Variants in DSCAM observed in about 807,000 individuals in gnomAD.
DSCAM encodes the protein cell adhesion molecule DSCAM.
Under a neutral mutation model 217.7 loss-of-function variants are expected in DSCAM, and 47 were observed. That is an observed-to-expected ratio of 0.22 (90% CI 0.17 to 0.28). The LOEUF (loss-of-function observed/expected upper bound fraction) is 0.28. Among genes scored for constraint, DSCAM ranks in the 10% least tolerant of loss-of-function variants. The pLI is 1.00. For synonymous variants in DSCAM, 1,056 were observed against 1,015.3 expected, an observed-to-expected ratio of 1.04 and a Z score of -0.76; for missense variants, 2,080 against 2,618.3, an observed-to-expected ratio of 0.79 and a Z score of 4.49.
intron 3 of DSCAM, among the ~76,000 whole-genome samples, chr21:40,622,261 T>G (rs140866701): frequency 4.3e-3 from 595 of 138,956 alleles, no homozygotes; most frequent in Non-Finnish European, 7.0e-3. Context: ...AGGATTTGAG[T>G]GTCCGCCCCA....
intron 18 of DSCAM, among the ~76,000 whole-genome samples, chr21:40,139,068 G>A (rs1463775489): frequency 6.8e-6 from 1 of 147,028 alleles, no homozygotes. Flanking sequence ...TGTATGTGTG[G>A]TGTGTGTATG....
chr21:40,478,982 G>A (rs2075960016), intron 3 of DSCAM, among the ~76,000 whole-genome samples: 1 of 152,108 alleles, frequency 6.6e-6, no homozygotes, highest in South Asian at 2.1e-4. Context: ...TTACTGTACT[G>A]CACTCATGTA....
At chr21:40,424,652 G>C (rs1375288461) in intron 3 of DSCAM, among the ~76,000 whole-genome samples, 1 of 152,124 alleles carries the variant, frequency 6.6e-6, no homozygotes, top group African/African-American at 2.4e-5. Flanking sequence ...ATTTACTTCA[G>C]ATTAAAGATA....
intron 3 of DSCAM, among the ~76,000 whole-genome samples, chr21:40,527,303 A>T (rs1188416706): frequency 6.6e-6 from 1 of 152,194 alleles, no homozygotes; most frequent in Non-Finnish European, 1.5e-5. Context: ...ATCAAGTCCC[A>T]TAGTCTTCTT....
chr21:40,643,469 C>G (rs1216310003), intron 3 of DSCAM, among the ~76,000 whole-genome samples: 1 of 152,202 alleles, frequency 6.6e-6, no homozygotes, highest in African/African-American at 2.4e-5. Flanking sequence ...CTGAGAAGCT[C>G]TCAGGGGAGA....
intron 1 of DSCAM, among the ~76,000 whole-genome samples, chr21:40,834,275 C>T (rs1175650397): frequency 2.6e-5 from 4 of 151,478 alleles, no homozygotes; most frequent in Non-Finnish European, 5.9e-5. Context: ...GGCATGGTGG[C>T]GGGTGCCTGT....
Position 40,702,587 on chromosome 21 carries a change from C to G in DSCAM, c.361+5867G>C, listed in dbSNP as rs186400886. On this transcript the variant is annotated intron_variant, in intron 2 of 32. Transcript: ENST00000400454. ...TTAAATCCAATCTGGCAATTTCTGC[C>G]TTATAATTCAGGTTACTGGAACATT... 8.6e-5 allele frequency among the ~76,000 whole-genome samples: 13 copies of G among 152,004 alleles called. No homozygotes were observed. The East Asian group carries it at 2.5e-3, about 29-fold the overall frequency.
At chr21:40,621,142 A>C (rs2089510486) in intron 3 of DSCAM, 1 of 152,184 alleles carries the variant, frequency 6.6e-6, no homozygotes, top group African/African-American at 2.4e-5. Flanking sequence ...ACATTATCTG[A>C]TTGTAGTGTG....
chr21:40,683,027 C>G (rs990167979), intron 3 of DSCAM, among the ~76,000 whole-genome samples: 17 of 152,168 alleles, frequency 1.1e-4, no homozygotes, highest in African/African-American at 4.1e-4. Flanking sequence ...CATGTAAGGA[C>G]AGCAGGAAGG....
At chr21:40,518,822 A>G (rs2076336627) in intron 3 of DSCAM, among the ~76,000 whole-genome samples, 1 of 151,592 alleles carries the variant, frequency 6.6e-6, no homozygotes. Context: ...TAAGTATGTC[A>G]TTAGGCAATT....
Position 40,376,489 on chromosome 21 carries a change from AGATATCTATATATCTTATATC to A in DSCAM, c.509-7265_509-7245del, listed in dbSNP as rs1569092753. On this transcript the variant is annotated intron_variant, in intron 3 of 32. Coordinates refer to ENST00000400454, the MANE Select transcript of DSCAM (RefSeq NM_001389.5). ...ATATAGATATCTATATATCTTATAT[AGATATCTATATATCTTATATC>A]GATATCTATATATCTTATATAGATA... Among the ~76,000 whole-genome samples the A allele has an allele frequency of 1.1e-3, 93 of 86,756 alleles. 6 individuals carry two copies. The highest frequency in any genetic ancestry group is 4.7e-3 in the African/African-American group (78 of 16,608). The allele number at this position is 86,756 out of a possible 152,430, so 56.9% of individuals were successfully genotyped here. A position where few individuals can be genotyped will look rare whatever the true frequency, so the allele number is the denominator to read the frequency against.
At chr21:40,092,444 C>G (rs1329682548) in intron 21 of DSCAM, among the ~76,000 whole-genome samples, 1 of 152,194 alleles carries the variant, frequency 6.6e-6, no homozygotes, top group Non-Finnish European at 1.5e-5. Flanking sequence ...ATACAACAGG[C>G]ACTCAAAATG....
intron 1 of DSCAM, among the ~76,000 whole-genome samples, chr21:40,805,060 C>T (rs2091773908): frequency 6.6e-6 from 1 of 152,182 alleles, no homozygotes. Context: ...CACTTCCCCC[C>T]AACTCCTAGG....
intron 3 of DSCAM, among the ~76,000 whole-genome samples, chr21:40,445,893 T>G (rs1601650218): frequency 6.6e-6 from 1 of 152,206 alleles, no homozygotes; most frequent in South Asian, 2.1e-4. Flanking sequence ...ATAATAAGAC[T>G]CTATTACCTT....
intron 18 of DSCAM, among the ~76,000 whole-genome samples, chr21:40,136,166 G>A (rs1298544772): frequency 6.6e-6 from 1 of 152,240 alleles, no homozygotes; most frequent in African/African-American, 2.4e-5. Flanking sequence ...TGAGGAGACT[G>A]TGTGAGCATG....
At chr21:40,113,723 A>T (rs1183127055) in intron 20 of DSCAM, among the ~76,000 whole-genome samples, 2 of 152,224 alleles carry the variant, frequency 1.3e-5, no homozygotes, top group East Asian at 3.9e-4. Flanking sequence ...GTCTCAGGAT[A>T]CAAAATCAAT....
chr21:40,113,985 G>T (rs1299720803), intron 20 of DSCAM, among the ~76,000 whole-genome samples: 2 of 151,880 alleles, frequency 1.3e-5, no homozygotes, highest in Non-Finnish European at 2.9e-5. Context: ...TGGCCATACT[G>T]CCCAAGGTAA....
intron 3 of DSCAM, among the ~76,000 whole-genome samples, chr21:40,409,509 T>C (rs1009328043): frequency 9.9e-5 from 15 of 152,176 alleles, no homozygotes; most frequent in Non-Finnish European, 2.2e-4. Flanking sequence ...GAAAAAGTAC[T>C]AGAGGAATCC....
intron 11 of DSCAM, among the ~76,000 whole-genome samples, chr21:40,210,942 T>C (rs974687489): frequency 6.6e-6 from 1 of 152,188 alleles, no homozygotes; most frequent in Non-Finnish European, 1.5e-5. Context: ...TACAGGTCCA[T>C]GTACCCACCA....
Sources: gnomAD v4.1 joint callset for allele counts (sites outside exome capture counted in the v4.1 genomes callset) on GRCh38, gnomAD v4.1.1 for gene constraint, MANE v1.5 for transcripts, NCBI Gene and HGNC (gene_info 2026-07-23, HGNC 2026-07-21) for gene names.